The following AOPEP variants were observed in gnomAD, a reference collection of about 807,000 sequenced individuals.
The protein encoded by AOPEP is aminopeptidase O (putative), also known as aminopeptidase O.
In AOPEP, 77 loss-of-function variants were observed where a neutral mutation model predicts 98.1. That is an observed-to-expected ratio of 0.78 (90% confidence interval 0.65 to 0.95). The LOEUF is 0.95. Ranked by LOEUF, AOPEP falls within the 40% of genes least tolerant of loss-of-function variation. The pLI, the probability that AOPEP is intolerant of heterozygous loss-of-function variation, is 0.00. For synonymous variants in AOPEP, 346 were observed against 365.3 expected (o/e 0.95, Z 0.60); for missense variants, 1,024 against 1,024.7 (o/e 1.00, Z 0.01).
chr9:94,910,218 C>T (rs2136427912), intron 5 of AOPEP, among the ~76,000 whole-genome samples: 1 of 152,316 alleles, frequency 6.6e-6, no homozygotes, highest in African/African-American at 2.4e-5. Flanking sequence ...TTCCCAGAGC[C>T]CTCCCTGGCA....
intron 1 of AOPEP, among the ~76,000 whole-genome samples, chr9:94,731,623 TG>T (rs1830560240): frequency 6.6e-6 from 1 of 152,090 alleles, no homozygotes; most frequent in South Asian, 2.1e-4. Flanking sequence ...CAAAAAGCCC[TG>T]GTTTCTGTGC....
intron 5 of AOPEP, among the ~76,000 whole-genome samples, chr9:94,849,631 A>G (rs768889816): frequency 1.3e-5 from 2 of 151,338 alleles, no homozygotes; most frequent in Non-Finnish European, 2.9e-5. Flanking sequence ...GGCATGGTTT[A>G]GGGATGAAAC....
chr9:95,107,010 A>C, the AOPEP span: 1 of 1,570,874 alleles, frequency 6.4e-7, no homozygotes, highest in Non-Finnish European at 8.7e-7. Context: ...CAGGTAACCC[A>C]CCTCTCGCCT....
chr9:95,107,250 A>G, the AOPEP span: 1 of 1,614,058 alleles, frequency 6.2e-7, no homozygotes, highest in Non-Finnish European at 8.5e-7. Context: ...GAGGTGGCCC[A>G]GCACGGCCTT....
At chr9:94,786,350 G>T (rs1844421014) in intron 3 of AOPEP, among the ~76,000 whole-genome samples, 1 of 152,204 alleles carries the variant, frequency 6.6e-6, no homozygotes, top group Non-Finnish European at 1.5e-5. Flanking sequence ...GCAGGGAATT[G>T]AACCCTAGCT....
intron 11 of AOPEP, among the ~76,000 whole-genome samples, chr9:94,995,777 C>T (rs1167344925): frequency 1.3e-5 from 2 of 152,136 alleles, no homozygotes; most frequent in African/African-American, 4.8e-5. Context: ...TATAAATTAA[C>T]TGGGTGGTAG....
At chr9:95,142,183 G>C in the AOPEP span, among the ~76,000 whole-genome samples, 1 of 151,818 alleles carries the variant, frequency 6.6e-6, no homozygotes, top group African/African-American at 2.4e-5. Flanking sequence ...AGTAGAGATG[G>C]GATTTTACCA....
At chr9:94,738,748 G>A (rs1339390369) in intron 1 of AOPEP, among the ~76,000 whole-genome samples, 1 of 151,670 alleles carries the variant, frequency 6.6e-6, no homozygotes, top group African/African-American at 2.4e-5. Flanking sequence ...TAATTTTTTT[G>A]TATTTTTAGT....
intron 11 of AOPEP, among the ~76,000 whole-genome samples, chr9:95,000,623 G>A (rs1458651889): frequency 6.6e-6 from 1 of 152,084 alleles, no homozygotes; most frequent in African/African-American, 2.4e-5. Flanking sequence ...CAGGAGAATC[G>A]CTTGAGCCTG....
chr9:95,098,324 T>TG, the AOPEP span, among the ~76,000 whole-genome samples: 1 of 151,498 alleles, frequency 6.6e-6, no homozygotes, highest in African/African-American at 2.4e-5. Context: ...TCCCATCCCC[T>TG]GGACTAGCTC....
chr9:95,087,651 C>T (rs777494242), downstream of AOPEP, among the ~76,000 whole-genome samples: 1 of 152,152 alleles, frequency 6.6e-6, no homozygotes, highest in East Asian at 1.9e-4. Flanking sequence ...GCACCCTCTT[C>T]CGATAAAATG....
chr9:94,822,311 C>G (rs1464096771), intron 5 of AOPEP, among the ~76,000 whole-genome samples: 4 of 152,214 alleles, frequency 2.6e-5, no homozygotes, highest in Non-Finnish European at 5.9e-5. Flanking sequence ...AATGCCTGAT[C>G]AGCTGTGAAA....
chr9:94,777,160 C>A (rs894454080), intron 3 of AOPEP, among the ~76,000 whole-genome samples: 1 of 151,888 alleles, frequency 6.6e-6, no homozygotes, highest in Non-Finnish European at 1.5e-5. Flanking sequence ...TAAGGCTGGG[C>A]GGGGTGGCTC....
At chr9:95,119,976 G>A in the AOPEP span, among the ~76,000 whole-genome samples, 18 of 138,318 alleles carry the variant, frequency 1.3e-4, no homozygotes, top group Admixed American at 3.8e-4. Context: ...GGCTCCCAAC[G>A]AGCTGGGATT....
intron 7 of AOPEP, among the ~76,000 whole-genome samples, chr9:94,931,163 G>C (rs543588621): frequency 4.9e-4 from 74 of 152,218 alleles, no homozygotes; most frequent in African/African-American, 1.6e-3. Context: ...CACATGAGGA[G>C]GGCCTCATCT....
At chr9:94,878,607 T>G (rs1483325302) in intron 5 of AOPEP, among the ~76,000 whole-genome samples, 1 of 152,088 alleles carries the variant, frequency 6.6e-6, no homozygotes, top group East Asian at 1.9e-4. Flanking sequence ...GAGTGGAACA[T>G]CCATTAGGTT....
At chr9:95,106,068 C>A in the AOPEP span, among the ~76,000 whole-genome samples, 1 of 152,200 alleles carries the variant, frequency 6.6e-6, no homozygotes, top group Non-Finnish European at 1.5e-5. Flanking sequence ...AGCTGCACGA[C>A]GTTAATGTCC....
intron 9 of AOPEP, among the ~76,000 whole-genome samples, chr9:94,962,855 T>G (rs559732066): frequency 1.3e-5 from 2 of 151,926 alleles, no homozygotes; most frequent in East Asian, 3.9e-4. Flanking sequence ...GCCATTCTCC[T>G]GCCTCAGCCT....
chr9:94,734,348 G>A (rs1164501737), intron 1 of AOPEP, among the ~76,000 whole-genome samples: 1 of 152,202 alleles, frequency 6.6e-6, no homozygotes, highest in Non-Finnish European at 1.5e-5. Flanking sequence ...GATGGTTGGT[G>A]CAGTGTAGGA....
Sources: gnomAD v4.1 joint callset for allele counts (sites outside exome capture counted in the v4.1 genomes callset) on GRCh38, gnomAD v4.1.1 for gene constraint, MANE v1.5 for transcripts, NCBI Gene and HGNC (gene_info 2026-07-23, HGNC 2026-07-21) for gene names.